The following DIAPH3 variants were observed in gnomAD, a reference collection of about 807,000 sequenced individuals.
DIAPH3 encodes the protein protein diaphanous homolog 3.
In DIAPH3, 117 loss-of-function variants were observed where a neutral mutation model predicts 144.3. That is an observed-to-expected ratio of 0.81 (90% CI 0.70 to 0.95). DIAPH3 has a LOEUF of 0.95. DIAPH3 is among the 40% of genes least tolerant of loss of function. The probability of loss-of-function intolerance (pLI) is 0.00; values close to 1 mark genes in which losing one functional copy is unlikely to be tolerated. For missense variants in DIAPH3, 1,421 were observed against 1,412.7 expected (o/e 1.01, Z -0.09); for synonymous variants, 519 against 488.9 (o/e 1.06, Z -0.81).
At chr13:59,695,034 C>A (rs957937667) in intron 27 of DIAPH3, among the ~76,000 whole-genome samples, 1 of 152,106 alleles carries the variant, frequency 6.6e-6, no homozygotes, top group East Asian at 1.9e-4. Context: ...GTGCTACAGT[C>A]GATAAAAATG....
intron 2 of DIAPH3, among the ~76,000 whole-genome samples, chr13:60,116,300 C>T (rs2058701824): frequency 6.6e-6 from 1 of 151,966 alleles, no homozygotes; most frequent in African/African-American, 2.4e-5. Flanking sequence ...AAAAGAGTGG[C>T]ATATAACTCA....
intron 27 of DIAPH3, among the ~76,000 whole-genome samples, chr13:59,732,831 T>C (rs117476698): frequency 0.043 from 6,537 of 152,248 alleles, 239 homozygotes; most frequent in South Asian, 0.11. Context: ...AATTAGAACA[T>C]TATTTTTAAA....
At chr13:59,799,156 AC>A (rs1325680153) in intron 25 of DIAPH3, among the ~76,000 whole-genome samples, 3 of 152,082 alleles carry the variant, frequency 2.0e-5, no homozygotes, top group Non-Finnish European at 2.9e-5. Flanking sequence ...TCAAAGGCAA[AC>A]CAGTGATCAC....
intron 2 of DIAPH3, among the ~76,000 whole-genome samples, chr13:60,127,815 T>C (rs2059027565): frequency 6.6e-6 from 1 of 152,166 alleles, no homozygotes; most frequent in South Asian, 2.1e-4. Flanking sequence ...CACTCATTAT[T>C]GTATATATTT....
chr13:60,006,296 T>C (rs2052869428), intron 9 of DIAPH3, among the ~76,000 whole-genome samples: 1 of 152,208 alleles, frequency 6.6e-6, no homozygotes, highest in African/African-American at 2.4e-5. Flanking sequence ...AACAGGGCTT[T>C]GTCTTTAACA....
chr13:59,877,233 A>T (rs1370491992), intron 21 of DIAPH3, among the ~76,000 whole-genome samples: 1 of 152,152 alleles, frequency 6.6e-6, no homozygotes, highest in African/African-American at 2.4e-5. Context: ...CAAACATGCC[A>T]GTAGCAATAT....
chr13:59,861,180 A>G lies in DIAPH3; in HGVS notation c.2737+227T>C, dbSNP rs191876695. 166 of 1,400,494 alleles carry G rather than the reference A, an allele frequency of 1.2e-4. 1 individual carries two copies. In the African/African-American group the frequency reaches 1.8e-3, roughly 15 times the overall value. The allele number at this position is 1,400,494 out of a possible 1,614,324, so 86.8% of individuals were successfully genotyped here. On this transcript the variant is annotated intron_variant, in intron 22 of 27. Transcript: ENST00000400324. ...ATCTACAAGGTTTAAACTGTAAAAC[A>G]AAGTATTTTATAATATAAGGCCTCA...
intron 2 of DIAPH3, among the ~76,000 whole-genome samples, chr13:60,120,751 T>C (rs1342274134): frequency 6.6e-6 from 1 of 152,120 alleles, no homozygotes; most frequent in Non-Finnish European, 1.5e-5. Context: ...TAGCACCCAC[T>C]TGCCAGTCAT....
intron 4 of DIAPH3, among the ~76,000 whole-genome samples, chr13:60,074,941 T>G (rs2057330434): frequency 6.6e-6 from 1 of 152,186 alleles, no homozygotes; most frequent in Non-Finnish European, 1.5e-5. Context: ...TGCAAGAACA[T>G]GCTGGTACAC....
At position 59,678,442 on chromosome 13, in the gene DIAPH3, C is replaced by T. The variant is rs1221345267; in HGVS notation, c.3320-11596G>A. On this transcript the variant is annotated intron_variant, in intron 27 of 27. Coordinates refer to ENST00000400324, the MANE Select transcript of DIAPH3 (RefSeq NM_001042517.2). ...GAGAGAGCCCTACTCATCCTTATTT[C>T]TATTTACAGGTTTACAGACAAGTGG... 2.0e-5 allele frequency among the ~76,000 whole-genome samples: 3 copies of T among 152,104 alleles called. No homozygotes were observed. In the East Asian group the frequency reaches 5.8e-4, roughly 29 times the overall value.
At chr13:60,078,156 A>G (rs2670473) in intron 4 of DIAPH3, among the ~76,000 whole-genome samples, 148,266 of 152,158 alleles carry the variant, frequency 0.97, 72,262 homozygotes, top group East Asian at 1. Context: ...TATTTTGCCT[A>G]AATGACACAT....
At position 60,028,558 on chromosome 13, in the gene DIAPH3, C is replaced by A. The variant is rs150014229; in HGVS notation, c.627-12413G>T. Reference sequence around the variant, plus strand: ...ACCTATTTCTGGACACTTTCTGAACCCGGAGTCCTTCAGAACTTGTTCTGA... The same window carrying A: ...ACCTATTTCTGGACACTTTCTGAACACGGAGTCCTTCAGAACTTGTTCTGA... On this transcript the variant is annotated intron_variant, in intron 5 of 27. Transcript: ENST00000400324. Among the ~76,000 whole-genome samples the A allele has an allele frequency of 3.0e-4, 45 of 152,174 alleles. No individual in the cohort carries two copies. In the East Asian group the frequency reaches 8.0e-3, roughly 27 times the overall value.
chr13:60,092,305 A>G (rs2057963356), intron 4 of DIAPH3, among the ~76,000 whole-genome samples: 1 of 152,102 alleles, frequency 6.6e-6, no homozygotes, highest in Admixed American at 6.5e-5. Context: ...TTAAAGGACA[A>G]AGGCAATTAG....
intron 27 of DIAPH3, among the ~76,000 whole-genome samples, chr13:59,672,570 C>A (rs1001393529): frequency 6.6e-6 from 1 of 152,200 alleles, no homozygotes; most frequent in Non-Finnish European, 1.5e-5. Flanking sequence ...AATTTTAAAG[C>A]ACCACTGGGT....
chr13:59,959,304 C>A (rs1203363934), intron 17 of DIAPH3, among the ~76,000 whole-genome samples: 1 of 152,150 alleles, frequency 6.6e-6, no homozygotes, highest in Non-Finnish European at 1.5e-5. Context: ...CAAATATGTT[C>A]ATTTAACTGT....
At chr13:59,983,704 G>A (rs1163625916) in intron 13 of DIAPH3, 65 bp downstream of exon 13, 21 of 1,112,954 alleles carry the variant, frequency 1.9e-5, no homozygotes, top group African/African-American at 3.1e-5. Context: ...GAGAACCAAT[G>A]CCCTAGAGCT....
chr13:60,077,769 C>A (rs577055006), intron 4 of DIAPH3, among the ~76,000 whole-genome samples: 15 of 152,154 alleles, frequency 9.9e-5, no homozygotes, highest in African/African-American at 3.4e-4. Context: ...TCTAGTTTAT[C>A]ACATTAAAGA....
At chr13:59,736,107 C>A (rs1466305810) in intron 27 of DIAPH3, among the ~76,000 whole-genome samples, 1 of 152,168 alleles carries the variant, frequency 6.6e-6, no homozygotes, top group Non-Finnish European at 1.5e-5. Flanking sequence ...CATGTCCCTG[C>A]AAAGGACATG....
chr13:60,146,072 A>G (rs1951504202), intron 1 of DIAPH3, among the ~76,000 whole-genome samples: 1 of 152,166 alleles, frequency 6.6e-6, no homozygotes, highest in Non-Finnish European at 1.5e-5. Context: ...AAGTTGTTTT[A>G]TCTCTTAAAA....
Sources: allele counts gnomAD v4.1 joint callset (sites outside exome capture counted in the v4.1 genomes callset), GRCh38; gene constraint gnomAD v4.1.1; transcripts MANE v1.5; gene names NCBI Gene and HGNC (gene_info 2026-07-23, HGNC 2026-07-21).